The following RAMP3 variants were observed in gnomAD, a reference collection of about 807,000 sequenced individuals.
The protein encoded by RAMP3 is receptor activity-modifying protein 3.
In RAMP3, 14 loss-of-function variants were observed where a neutral mutation model predicts 13.5. The observed-to-expected ratio is 1.04, with a 90% CI of 0.69 to 1.63. The LOEUF (loss-of-function observed/expected upper bound fraction) is 1.63. Ranked by LOEUF, RAMP3 falls within the 40% of genes most tolerant of loss-of-function variation. RAMP3 has a pLI of 0.00. For missense variants in RAMP3, 200 were observed against 204.8 expected, an observed-to-expected ratio of 0.98 and a Z score of 0.14; for synonymous variants, 106 against 88.3, an observed-to-expected ratio of 1.20 and a Z score of -1.12.
intron 1 of RAMP3, among the ~76,000 whole-genome samples, chr7:45,162,797 C>A (rs1488766104): frequency 1.3e-5 from 2 of 152,144 alleles, no homozygotes; most frequent in Non-Finnish European, 2.9e-5. Context: ...GACATTGAGG[C>A]TCAGAGGGGC....
At chr7:45,175,282 G>A (rs1014033618) in intron 1 of RAMP3, among the ~76,000 whole-genome samples, 14 of 152,162 alleles carry the variant, frequency 9.2e-5, no homozygotes, top group African/African-American at 2.9e-4. Context: ...AGGGGCCATG[G>A]TGGTGACTTC....
chr7:45,175,586 G>T (rs550023472), intron 1 of RAMP3, among the ~76,000 whole-genome samples: 15 of 152,304 alleles, frequency 9.8e-5, no homozygotes, highest in Admixed American at 9.1e-4. Flanking sequence ...AAGGGAAGAA[G>T]GTGCCTTGAG....
intron 1 of RAMP3, among the ~76,000 whole-genome samples, chr7:45,168,817 T>A (rs1786025715): frequency 6.6e-6 from 1 of 152,252 alleles, no homozygotes; most frequent in African/African-American, 2.4e-5. Context: ...TTATGTTGAA[T>A]AGAAGTGGTG....
chr7:45,164,939 A>G (rs926317252), intron 1 of RAMP3, among the ~76,000 whole-genome samples: 3 of 152,102 alleles, frequency 2.0e-5, no homozygotes, highest in African/African-American at 7.2e-5. Context: ...AAGTGCTTAG[A>G]CCATTTACTT....
intron 1 of RAMP3, among the ~76,000 whole-genome samples, chr7:45,171,571 T>A (rs1374864570): frequency 6.6e-6 from 1 of 152,200 alleles, no homozygotes; most frequent in African/African-American, 2.4e-5. Flanking sequence ...TTTCTTTTTT[T>A]AAAAATTATT....
intron 2 of RAMP3, among the ~76,000 whole-genome samples, chr7:45,181,486 A>T (rs1479700603): frequency 6.6e-6 from 1 of 151,908 alleles, no homozygotes; most frequent in Non-Finnish European, 1.5e-5. Flanking sequence ...AGCCCTGGGG[A>T]TGGTTGTTGG....
chr7:45,168,020 C>T (rs1376505753), intron 1 of RAMP3, among the ~76,000 whole-genome samples: 1 of 152,196 alleles, frequency 6.6e-6, no homozygotes. Context: ...GTTTGTATAT[C>T]ACTTTAGGTA....
In RAMP3 at chr7:45,183,664, CT is replaced by C; in HGVS notation, c.*254del. ...GGAGGAAAATGTGATAAGGCCAGAGCTTGTGTGCTGGGCACAGAAATCACCT... is the reference window on the plus strand; with the variant it reads ...GGAGGAAAATGTGATAAGGCCAGAGCTGTGTGCTGGGCACAGAAATCACCT... On this transcript the variant is annotated 3_prime_UTR_variant, in exon 3 of 3. Transcript: ENST00000242249. 1.7e-6 allele frequency: 1 copy of C among 601,082 alleles called. No homozygotes were observed. The allele number at this position is 601,082 out of a possible 1,614,324, so 37.2% of individuals were successfully genotyped here.
chr7:45,181,380 C>G (rs986376259), intron 2 of RAMP3, among the ~76,000 whole-genome samples: 1 of 152,218 alleles, frequency 6.6e-6, no homozygotes, highest in Non-Finnish European at 1.5e-5. Flanking sequence ...TGCCTCACCT[C>G]CTCTTGGGAC....
At chr7:45,159,053 T>C (rs1169701121) in intron 1 of RAMP3, among the ~76,000 whole-genome samples, 1 of 152,236 alleles carries the variant, frequency 6.6e-6, no homozygotes, top group Non-Finnish European at 1.5e-5. Flanking sequence ...GCTGAGGCTT[T>C]CCTGATCATC....
intron 2 of RAMP3, 32 bp downstream of exon 2, chr7:45,177,473 C>T (rs199937432): frequency 6.2e-7 from 1 of 1,613,198 alleles, no homozygotes; most frequent in Non-Finnish European, 8.5e-7. Flanking sequence ...GGGATTTGCT[C>T]TGACCACAGC....
chr7:45,160,964 A>G (rs1023127842), intron 1 of RAMP3, among the ~76,000 whole-genome samples: 1 of 152,198 alleles, frequency 6.6e-6, no homozygotes, highest in East Asian at 1.9e-4. Context: ...TGCACTAGAA[A>G]TGAGCTCCCT....
rs781764135 is a variant in RAMP3, at chr7:45,157,803, C to A, written c.-26C>A. ...CAGCCGCGCCCCCAGCGGGACCGAG[C>A]GTGACCCAGCTGCGGCCGGCCAGCC... On this transcript the variant is annotated 5_prime_UTR_variant, in exon 1 of 3. Transcript: ENST00000242249. The A allele has an allele frequency of 7.4e-5, 106 of 1,436,234 alleles. 1 individual carries two copies. The African/African-American group carries it at 1.1e-3, about 15-fold the overall frequency. The allele number at this position is 1,436,234 out of a possible 1,614,324, so 89.0% of individuals were successfully genotyped here.
chr7:45,178,320 TCA>T (rs1264753997), intron 2 of RAMP3, among the ~76,000 whole-genome samples: 1 of 152,178 alleles, frequency 6.6e-6, no homozygotes, highest in African/African-American at 2.4e-5. Flanking sequence ...GCTCATGGCC[TCA>T]CAGTCCTCTG....
chr7:45,169,300 G>A (rs1786036525), intron 1 of RAMP3, among the ~76,000 whole-genome samples: 1 of 152,188 alleles, frequency 6.6e-6, no homozygotes, highest in South Asian at 2.1e-4. Flanking sequence ...GGAAGATGGG[G>A]AAGTGCTGCT....
At chr7:45,164,490 A>G (rs11972495) in intron 1 of RAMP3, among the ~76,000 whole-genome samples, 39,301 of 151,972 alleles carry the variant, frequency 0.26, 6,117 homozygotes, top group African/African-American at 0.43. Context: ...AGTCATGATC[A>G]CACCACTGTA....
At chr7:45,182,399 G>A (rs1243679686) in intron 2 of RAMP3, among the ~76,000 whole-genome samples, 1 of 152,146 alleles carries the variant, frequency 6.6e-6, no homozygotes, top group African/African-American at 2.4e-5. Flanking sequence ...ATTGGAACAG[G>A]TGGTGGCTGG....
chr7:45,173,754 C>T (rs1786123866), intron 1 of RAMP3, among the ~76,000 whole-genome samples: 1 of 152,194 alleles, frequency 6.6e-6, no homozygotes, highest in Non-Finnish European at 1.5e-5. Context: ...GGGAGGACTG[C>T]AAGGAGCAGG....
rs1273260067 is a variant in RAMP3 at position 45,160,337 on chromosome 7, A to C, written c.58+2451A>C. Among the ~76,000 whole-genome samples the C allele has an allele frequency of 2.3e-3, 176 of 76,334 alleles. 2 individuals are homozygous for C. Among genetic ancestry groups the C allele is most frequent in the African/African-American group, 0.016 (164 of 10,102 alleles). 50.1% of individuals were successfully genotyped at this position (76,334 alleles called of 152,430 possible). A position where few individuals can be genotyped will look rare whatever the true frequency, so the allele number is the denominator to read the frequency against. Reference sequence around the variant, plus strand: ...CAAAGCGAGACTCTGCCTCAAAAAAAAAAAAAAAAAAAAAAAAAAAAAAAA... The same window carrying C: ...CAAAGCGAGACTCTGCCTCAAAAAACAAAAAAAAAAAAAAAAAAAAAAAAA... On this transcript the variant is annotated intron_variant, in intron 1 of 2. Transcript: ENST00000242249.
Sources: gnomAD v4.1 joint callset for allele counts (sites outside exome capture counted in the v4.1 genomes callset) on GRCh38, gnomAD v4.1.1 for gene constraint, MANE v1.5 for transcripts, NCBI Gene and HGNC (gene_info 2026-07-23, HGNC 2026-07-21) for gene names.